The following PDE7A variants were observed in gnomAD, a reference collection of about 807,000 sequenced individuals.
PDE7A encodes phosphodiesterase 7A.
PDE7A carries 39 observed loss-of-function variants against 64.3 expected under a neutral mutation model. The observed-to-expected ratio is 0.61, with a 90% CI of 0.47 to 0.79. The LOEUF is 0.79. PDE7A is among the 30% of genes least tolerant of loss of function. PDE7A has a pLI of 0.00. For synonymous variants in PDE7A, 203 were observed against 206.8 expected, an observed-to-expected ratio of 0.98 and a Z score of 0.16; for missense variants, 470 against 582.8, an observed-to-expected ratio of 0.81 and a Z score of 1.99.
rs966950517 is a variant in PDE7A at position 65,716,852 on chromosome 8, G to A, written c.*2438C>T. 2.0e-5 allele frequency among the ~76,000 whole-genome samples: 3 copies of A among 152,088 alleles called. No homozygotes were observed. Among genetic ancestry groups the A allele is most frequent in the Non-Finnish European group, 2.9e-5 (2 of 68,024 alleles). Reference sequence around the variant, plus strand: ...ATAGGCCAAGGTATGGCCATCTCACGAGAGTGACCAGCTGACCATATTCCT... The same window carrying A: ...ATAGGCCAAGGTATGGCCATCTCACAAGAGTGACCAGCTGACCATATTCCT... On this transcript the variant is annotated 3_prime_UTR_variant, in exon 13 of 13. Coordinates refer to ENST00000401827, the MANE Select transcript of PDE7A (RefSeq NM_001242318.3).
In PDE7A at chr8:65,820,474, T is replaced by C. The variant is rs191309516; in HGVS notation, c.138+20897A>G. On this transcript the variant is annotated intron_variant, in intron 1 of 12. Coordinates refer to ENST00000401827, the MANE Select transcript of PDE7A (RefSeq NM_001242318.3). ...ATGATCAAAACTACCTTAAAATATG[T>C]ATATAAACATAGGAAATACATAAAA... Among the ~76,000 whole-genome samples, 400 of 152,330 alleles carry C rather than the reference T, an allele frequency of 2.6e-3. 1 individual carries two copies. The highest frequency in any genetic ancestry group is 6.5e-3 in the Admixed American group (100 of 15,304).
chr8:65,841,482 T>C lies in PDE7A; in HGVS notation c.27A>G (p.Val9=), dbSNP rs928684739. ...GGGGGACCGGCCTGTCCAGGGGCAGTACCGGCAGCTGGTAACACACTTCCA... is the reference window on the plus strand; with the variant it reads ...GGGGGACCGGCCTGTCCAGGGGCAGCACCGGCAGCTGGTAACACACTTCCA... The part of the protein sequence containing the change: MEVCYQLP[V]LPLDRPVPQH... The change falls in exon 1 of 13, where the codon GTA becomes GTG. Residue 9 remains valine, a synonymous_variant. Transcript: ENST00000401827. 1 of 1,547,900 alleles carries C rather than the reference T, an allele frequency of 6.5e-7. No homozygotes were observed. Among genetic ancestry groups the C allele is most frequent in the African/African-American group, 1.4e-5 (1 of 69,920 alleles).
intron 3 of PDE7A, among the ~76,000 whole-genome samples, chr8:65,748,385 A>C (rs1228633788): frequency 6.6e-6 from 1 of 152,170 alleles, no homozygotes; most frequent in Non-Finnish European, 1.5e-5. Flanking sequence ...AAAAATTATT[A>C]AGGTGATATG....
At chr8:65,827,334 G>T (rs1410648722) in intron 1 of PDE7A, among the ~76,000 whole-genome samples, 1 of 152,108 alleles carries the variant, frequency 6.6e-6, no homozygotes, top group African/African-American at 2.4e-5. Context: ...TCTTCTAATG[G>T]TAATATTCTA....
intron 3 of PDE7A, among the ~76,000 whole-genome samples, chr8:65,764,481 C>T (rs983850930): frequency 1.4e-4 from 21 of 152,122 alleles, no homozygotes; most frequent in African/African-American, 5.1e-4. Flanking sequence ...AACTAATGAC[C>T]ATGCAGTACA....
intron 1 of PDE7A, chr8:65,789,027 G>A: frequency 6.4e-7 from 1 of 1,551,794 alleles, no homozygotes; most frequent in Non-Finnish European, 8.8e-7. Context: ...AATACCAGCT[G>A]TCCCGAGGCA....
At chr8:65,758,043 C>T (rs1253203450) in intron 3 of PDE7A, among the ~76,000 whole-genome samples, 1 of 152,230 alleles carries the variant, frequency 6.6e-6, no homozygotes, top group Non-Finnish European at 1.5e-5. Context: ...AATGTTTCCA[C>T]ATTTGGAAGG....
chr8:65,749,063 TC>T lies in PDE7A; in HGVS notation c.284-1261del, dbSNP rs1477564301. Among the ~76,000 whole-genome samples, 11 of 152,294 alleles carry T rather than the reference TC, an allele frequency of 7.2e-5. No homozygotes were observed. The Middle Eastern group carries it at 0.01, about 141-fold the overall frequency. Reference sequence around the variant, plus strand: ...TGTAGACTTGACTCAGCTGTCACCTTCCCTGGGAAGCACATTCAGTACACTG... The same window carrying T: ...TGTAGACTTGACTCAGCTGTCACCTTCCTGGGAAGCACATTCAGTACACTG... On this transcript the variant is annotated intron_variant, in intron 3 of 12. Coordinates refer to ENST00000401827, the MANE Select transcript of PDE7A (RefSeq NM_001242318.3).
At chr8:65,771,849 T>G (rs1415834596) in intron 3 of PDE7A, among the ~76,000 whole-genome samples, 1 of 124,798 alleles carries the variant, frequency 8.0e-6, no homozygotes, top group Non-Finnish European at 1.6e-5. Flanking sequence ...CACTCCAGCC[T>G]GGGCAACAGA....
At chr8:65,762,991 ATGTG>A (rs34371328) in intron 3 of PDE7A, among the ~76,000 whole-genome samples, 31,326 of 138,370 alleles carry the variant, frequency 0.23, 3,455 homozygotes, top group East Asian at 0.39. Flanking sequence ...TATAAAAACA[ATGTG>A]TGTGTGTGTG....
rs746428546 is a variant in PDE7A at position 65,719,345 on chromosome 8, T to A, written c.1394A>T (p.Asp465Val). ...CTGTGAGTTCAACTCAAATGCAGCA[T>A]CAGTGTCCTCACTGCTCGACTGTTC... ...QREQSSSEDT[D>V]AAFELNSQLL... Residue 465 changes from aspartate to valine, a missense_variant, in exon 13 of 13, where the codon GAT becomes GTT. Physicochemically the swap from Asp to Val is radical, Grantham distance 152. Transcript: ENST00000401827. 3.5e-5 allele frequency: 56 copies of A among 1,614,022 alleles called. No individual in the cohort carries two copies. Among genetic ancestry groups the A allele is most frequent in the Non-Finnish European group, 4.2e-5 (49 of 1,179,994 alleles).
At chr8:65,839,446 A>AT (rs1811025084) in intron 1 of PDE7A, among the ~76,000 whole-genome samples, 1 of 151,976 alleles carries the variant, frequency 6.6e-6, no homozygotes, top group Non-Finnish European at 1.5e-5. Flanking sequence ...AAAGAAATCA[A>AT]TATCAACATA....
chr8:65,807,278 T>C (rs971235946), intron 1 of PDE7A, among the ~76,000 whole-genome samples: 2 of 152,252 alleles, frequency 1.3e-5, no homozygotes, highest in East Asian at 1.9e-4. Flanking sequence ...CTAAGTATTT[T>C]ATGCTTTTTC....
chr8:65,737,322 T>G (rs1448486536), intron 6 of PDE7A, among the ~76,000 whole-genome samples: 1 of 151,992 alleles, frequency 6.6e-6, no homozygotes, highest in Non-Finnish European at 1.5e-5. Flanking sequence ...AGCCAAGTAT[T>G]CATATGAACA....
chr8:65,740,889 C>T (rs1405410865), intron 5 of PDE7A, among the ~76,000 whole-genome samples: 8 of 152,206 alleles, frequency 5.3e-5, no homozygotes, highest in African/African-American at 1.9e-4. Context: ...ATCACAGCCT[C>T]TCCTGGCCCC....
At chr8:65,790,191 G>A (rs1395973323) in intron 1 of PDE7A, among the ~76,000 whole-genome samples, 1 of 152,240 alleles carries the variant, frequency 6.6e-6, no homozygotes, top group Non-Finnish European at 1.5e-5. Context: ...CGGCTCAAGG[G>A]CAGGGAGGAG....
At chr8:65,734,672 T>C (rs1807047848) in intron 7 of PDE7A, 122 bp downstream of exon 7, 1 of 643,282 alleles carries the variant, frequency 1.6e-6, no homozygotes, top group African/African-American at 1.8e-5. Context: ...CAGCTAGATC[T>C]CATTCTTGTG....
intron 5 of PDE7A, among the ~76,000 whole-genome samples, chr8:65,740,170 G>T (rs527547798): frequency 8.0e-5 from 12 of 150,228 alleles, no homozygotes; most frequent in African/African-American, 1.5e-4. Flanking sequence ...GAGTTGCTTG[G>T]GGGGGTGGGG....
intron 1 of PDE7A, among the ~76,000 whole-genome samples, chr8:65,804,493 A>T (rs1016644052): frequency 6.6e-6 from 1 of 151,920 alleles, no homozygotes; most frequent in Non-Finnish European, 1.5e-5. Flanking sequence ...AAGCTTTAAA[A>T]ACCCCAAAAT....
Sources: allele counts gnomAD v4.1 joint callset (sites outside exome capture counted in the v4.1 genomes callset), GRCh38; gene constraint gnomAD v4.1.1; transcripts MANE v1.5; gene names NCBI Gene and HGNC (gene_info 2026-07-23, HGNC 2026-07-21).